The following MYOM3 variants were observed in gnomAD, a reference collection of about 807,000 sequenced individuals.
MYOM3 encodes the protein myomesin 3.
Under a neutral mutation model 191.7 loss-of-function variants are expected in MYOM3, and 155 were observed. The observed-to-expected ratio is 0.81, with a 90% CI of 0.71 to 0.92. The LOEUF (loss-of-function observed/expected upper bound fraction) is 0.92, where lower values mean the gene tolerates loss of function less well. MYOM3 is among the 40% of genes least tolerant of loss of function. MYOM3 has a pLI of 0.00. For missense variants in MYOM3, 1,889 were observed against 1,890.6 expected, an observed-to-expected ratio of 1.00 and a Z score of 0.02; for synonymous variants, 757 against 762.9, an observed-to-expected ratio of 0.99 and a Z score of 0.13.
At chr1:24,068,707 T>C (rs1396221934) in intron 25 of MYOM3, among the ~76,000 whole-genome samples, 1 of 152,050 alleles carries the variant, frequency 6.6e-6, no homozygotes, top group Non-Finnish European at 1.5e-5. Context: ...TCTTTTTTTG[T>C]TTTTTGTTTT....
chr1:24,089,446 C>A (rs1232732331), intron 14 of MYOM3, 92 bp downstream of exon 14: 8 of 1,434,056 alleles, frequency 5.6e-6, no homozygotes, highest in Middle Eastern at 2.6e-4. Context: ...CTCTTTCATT[C>A]TCTGACGGCC....
intron 35 of MYOM3, among the ~76,000 whole-genome samples, chr1:24,060,698 G>A (rs1643359789): frequency 6.6e-6 from 1 of 152,152 alleles, no homozygotes; most frequent in Non-Finnish European, 1.5e-5. Context: ...TCCTGGATTC[G>A]ATGAGGCTCC....
intron 5 of MYOM3, among the ~76,000 whole-genome samples, chr1:24,105,235 C>A (rs984972346): frequency 1.4e-4 from 21 of 152,324 alleles, no homozygotes; most frequent in African/African-American, 4.8e-4. Flanking sequence ...GCAGGCCGGA[C>A]AGGAGGTCTT....
intron 8 of MYOM3, 119 bp downstream of exon 8, chr1:24,095,323 C>T: frequency 2.0e-6 from 2 of 1,018,322 alleles, no homozygotes; most frequent in East Asian, 2.4e-5. Context: ...CATAGACAAA[C>T]CCCGGTGGAC....
rs908843691 is a variant in MYOM3 at position 24,056,116 on chromosome 1, A to G, written c.*1248T>C. The G allele has an allele frequency of 2.0e-5, 3 of 152,198 alleles. No homozygotes were observed. In the East Asian group the frequency reaches 5.8e-4, roughly 29 times the overall value. The allele number at this position is 152,198 out of a possible 1,614,324, so 9.4% of individuals were successfully genotyped here. A position where few individuals can be genotyped will look rare whatever the true frequency, so the allele number is the denominator to read the frequency against. The stretch of plus-strand genomic sequence containing the variant: ...TTCCAAAATTTTACAACAAACATCT[A>G]TAATTTTATGAACACTCCCCATCTT... On this transcript the variant is annotated 3_prime_UTR_variant, in exon 37 of 37. Transcript: ENST00000374434.
chr1:24,109,387 T>G (rs1334116123), intron 1 of MYOM3, among the ~76,000 whole-genome samples: 1 of 128,608 alleles, frequency 7.8e-6, no homozygotes, highest in Non-Finnish European at 1.8e-5. Context: ...TGGGGCTTAG[T>G]AAGTACAACA....
rs41302013 is a variant in MYOM3, at chr1:24,084,648, T to C, written c.1799-9A>G. The C allele has an allele frequency of 9.5e-3, 15,302 of 1,606,188 alleles. 106 individuals carry two copies. Among genetic ancestry groups the C allele is most frequent in the Middle Eastern group, 0.014 (79 of 5,476 alleles). Reference sequence around the variant, plus strand: ...TGGAGGAGGGAGGGTAGCTAAAAAATAGAAACATGGGCTGAATGAGAAGGC... The same window carrying C: ...TGGAGGAGGGAGGGTAGCTAAAAAACAGAAACATGGGCTGAATGAGAAGGC... On this transcript the variant is annotated splice_polypyrimidine_tract_variant and intron_variant, in intron 15 of 36. Coordinates refer to ENST00000374434, the MANE Select transcript of MYOM3 (RefSeq NM_152372.4).
Position 24,057,054 on chromosome 1 carries a change from A to C in MYOM3, c.*310T>G. On this transcript the variant is annotated 3_prime_UTR_variant, in exon 37 of 37. Coordinates refer to ENST00000374434, the MANE Select transcript of MYOM3 (RefSeq NM_152372.4). ...GATAATTCTATGTGGTGGGAGCTGC[A>C]GTGTTTAGCAGCGTACCTGACCTCT... 8.4e-6 allele frequency: 3 copies of C among 355,738 alleles called. No homozygotes were observed. Among genetic ancestry groups the C allele is most frequent in the Non-Finnish European group, 1.0e-5 (2 of 195,168 alleles). 22.0% of individuals were successfully genotyped at this position (355,738 alleles called of 1,614,324 possible). A position where few individuals can be genotyped will look rare whatever the true frequency, so the allele number is the denominator to read the frequency against.
intron 11 of MYOM3, 132 bp downstream of exon 11, chr1:24,092,042 C>T (rs1643845344): frequency 2.4e-6 from 2 of 841,632 alleles, no homozygotes; most frequent in Non-Finnish European, 3.4e-6. Context: ...CAGCCTGTCT[C>T]CTGTCCTTTT....
At position 24,064,099 on chromosome 1, in the gene MYOM3, C is replaced by T. The variant is rs778410114; in HGVS notation, c.3595G>A (p.Asp1199Asn). Residue 1199 changes from aspartate to asparagine, a missense_variant, in exon 30 of 37, where the codon GAC (aspartate) becomes AAC (asparagine). Physicochemically the swap from Asp to Asn is conservative, Grantham distance 23 (BLOSUM62 1). Coordinates refer to ENST00000374434, the MANE Select transcript of MYOM3 (RefSeq NM_152372.4). ...AMVSDDRGEDDTILDLTGDAL... is the reference protein window; with the variant it reads ...AMVSDDRGEDNTILDLTGDAL... The stretch of plus-strand genomic sequence containing the variant: ...TCACCCGTGAGGTCCAATATGGTGT[C>T]GTCCTCCCCTCGATCGTCAGAAACC... 22 of 1,613,934 alleles carry T rather than the reference C, an allele frequency of 1.4e-5. No individual in the cohort carries two copies. Among genetic ancestry groups the T allele is most frequent in the East Asian group, 4.5e-5 (2 of 44,874 alleles).
chr1:24,092,396 C>G, intron 10 of MYOM3, 81 bp from the exon 11 acceptor site: 1 of 1,232,388 alleles, frequency 8.1e-7, no homozygotes, highest in African/African-American at 1.5e-5. Flanking sequence ...GCCCAGCATC[C>G]TCTTCTCATC....
At chr1:24,104,622 C>A (rs1643967261) in intron 5 of MYOM3, among the ~76,000 whole-genome samples, 1 of 152,134 alleles carries the variant, frequency 6.6e-6, no homozygotes, top group Non-Finnish European at 1.5e-5. Flanking sequence ...ATTACAGGCA[C>A]CCGCCACCAT....
intron 5 of MYOM3, among the ~76,000 whole-genome samples, chr1:24,101,442 G>A (rs898356092): frequency 2.0e-5 from 3 of 152,232 alleles, no homozygotes; most frequent in African/African-American, 7.2e-5. Flanking sequence ...CCTGGGATCA[G>A]TATTTTGAAA....
At chr1:24,066,956 G>T in intron 28 of MYOM3, 65 bp downstream of exon 28, 1 of 1,449,864 alleles carries the variant, frequency 6.9e-7, no homozygotes, top group Non-Finnish European at 9.4e-7. Context: ...GACAGCAACT[G>T]GGCTTGGGGA....
intron 18 of MYOM3, 144 bp downstream of exon 18, chr1:24,081,851 GTGGGTC>G (rs1643673320): frequency 1.3e-6 from 1 of 759,196 alleles, no homozygotes. Flanking sequence ...TCTGTTCAAG[GTGGGTC>G]TGCACTGGAA....
At chr1:24,091,539 A>G (rs1643830140) in intron 11 of MYOM3, among the ~76,000 whole-genome samples, 1 of 152,162 alleles carries the variant, frequency 6.6e-6, no homozygotes, top group South Asian at 2.1e-4. Context: ...TGTGGGTCCA[A>G]GTCTTGTCTC....
At chr1:24,077,391 A>C (rs1410059903) in intron 20 of MYOM3, among the ~76,000 whole-genome samples, 2 of 152,034 alleles carry the variant, frequency 1.3e-5, no homozygotes, top group South Asian at 2.1e-4. Context: ...TTGCCCCTCC[A>C]TCTGTCCCCT....
In MYOM3 at chr1:24,081,473, A is replaced by G. The variant is rs757241760; in HGVS notation, c.2281-17T>C. On this transcript the variant is annotated splice_polypyrimidine_tract_variant and intron_variant, in intron 18 of 36. Transcript: ENST00000374434. ...GTCACTGACCTTTAAGAGCAGAAAC[A>G]CAAACTATGAGGCTGAGGCTGGAGG... 25 of 1,612,458 alleles carry G rather than the reference A, an allele frequency of 1.6e-5. No individual in the cohort carries two copies. Among genetic ancestry groups the G allele is most frequent in the African/African-American group, 4.0e-5 (3 of 74,926 alleles).
chr1:24,090,740 G>A (rs1439442027), intron 12 of MYOM3, 57 bp downstream of exon 12: 8 of 1,560,024 alleles, frequency 5.1e-6, no homozygotes, highest in South Asian at 4.5e-5. Flanking sequence ...GTGTGAGACA[G>A]TCCTGAGGGT....
Sources: gnomAD v4.1 joint callset for allele counts (sites outside exome capture counted in the v4.1 genomes callset) on GRCh38, gnomAD v4.1.1 for gene constraint, MANE v1.5 for transcripts, NCBI Gene and HGNC (gene_info 2026-07-23, HGNC 2026-07-21) for gene names.